TENM2: variants seen among roughly 807,000 people sequenced by gnomAD.
TENM2 encodes teneurin-2.
A neutral mutation model predicts 245.2 loss-of-function variants in TENM2; 52 were observed. The ratio of observed to expected loss-of-function variants is 0.21; its 90% CI spans 0.17 to 0.27. The LOEUF is 0.27. Among genes scored for constraint, TENM2 ranks in the 10% least tolerant of loss-of-function variants. The pLI, the probability that TENM2 is intolerant of heterozygous loss-of-function variation, is 1.00. For synonymous variants in TENM2, 1,363 were observed against 1,438.9 expected (o/e 0.95, Z 1.19); for missense variants, 3,046 against 3,666.8 (o/e 0.83, Z 4.37).
intron 12 of TENM2, among the ~76,000 whole-genome samples, chr5:168,132,520 C>G (rs1020825752): frequency 6.6e-5 from 10 of 152,182 alleles, no homozygotes; most frequent in Admixed American, 4.6e-4. Context: ...GCGCTGTTCC[C>G]TTACTGTTTC....
chr5:168,109,872 T>C (rs1794535726), intron 9 of TENM2, among the ~76,000 whole-genome samples: 1 of 152,144 alleles, frequency 6.6e-6, no homozygotes. Context: ...GAAGTTGCAG[T>C]GCACATTATT....
At chr5:167,060,068 T>G in the TENM2 span, among the ~76,000 whole-genome samples, 1 of 152,164 alleles carries the variant, frequency 6.6e-6, no homozygotes, top group African/African-American at 2.4e-5. Flanking sequence ...ATTAAAAACT[T>G]TTTAATTAAA....
At chr5:166,979,191 C>CAGCAGCAG in the TENM2 span, among the ~76,000 whole-genome samples, 5 of 85,256 alleles carry the variant, frequency 5.9e-5, no homozygotes, top group African/African-American at 2.8e-4. Context: ...AGCAGCACCA[C>CAGCAGCAG]CACCAGCAGC....
chr5:167,511,657 T>C lies in TENM2; in HGVS notation c.502+136184T>C, dbSNP rs549378754. On this transcript the variant is annotated intron_variant, in intron 2 of 28. Coordinates refer to ENST00000518659, the Ensembl canonical transcript of TENM2. The stretch of plus-strand genomic sequence containing the variant: ...CAAGAATTGTGATTACAAGCTCCAG[T>C]CAATGGTCATGACTGCCTGATATGC... Among the ~76,000 whole-genome samples the C allele has an allele frequency of 2.0e-5, 3 of 152,318 alleles. No individual in the cohort carries two copies. In the South Asian group the frequency reaches 6.2e-4, roughly 32 times the overall value.
At chr5:167,995,954 A>C (rs1005067249) in intron 5 of TENM2, among the ~76,000 whole-genome samples, 11 of 152,144 alleles carry the variant, frequency 7.2e-5, no homozygotes, top group African/African-American at 2.7e-4. Flanking sequence ...TTAAGGGCTG[A>C]GTCCATTCTG....
At chr5:167,145,039 G>A in the TENM2 span, among the ~76,000 whole-genome samples, 2 of 152,082 alleles carry the variant, frequency 1.3e-5, no homozygotes, top group African/African-American at 2.4e-5. Flanking sequence ...TCCAATCTCC[G>A]CTTTTGCCAC....
the TENM2 span, among the ~76,000 whole-genome samples, chr5:167,022,307 A>T: frequency 7.1e-3 from 1,087 of 152,344 alleles, 11 homozygotes; most frequent in African/African-American, 0.025. Flanking sequence ...TTAAAAGTAG[A>T]TGCAGTCCAA....
intron 2 of TENM2, among the ~76,000 whole-genome samples, chr5:167,538,676 C>T (rs112693619): frequency 2.6e-5 from 4 of 152,294 alleles, no homozygotes; most frequent in South Asian, 2.1e-4. Flanking sequence ...CAAAGCCAAT[C>T]GGAAAACAGT....
chr5:167,088,541 C>A, the TENM2 span, among the ~76,000 whole-genome samples: 1 of 151,796 alleles, frequency 6.6e-6, no homozygotes, highest in Non-Finnish European at 1.5e-5. Context: ...GCAGGAGACT[C>A]GCTTGAACCT....
intron 2 of TENM2, among the ~76,000 whole-genome samples, chr5:167,700,009 T>C (rs1758033374): frequency 6.6e-6 from 1 of 152,078 alleles, no homozygotes; most frequent in African/African-American, 2.4e-5. Context: ...TATATTGGGG[T>C]TCAGGGAAAA....
the TENM2 span, among the ~76,000 whole-genome samples, chr5:167,027,881 C>T: frequency 1.3e-5 from 2 of 151,884 alleles, no homozygotes; most frequent in East Asian, 3.9e-4. Flanking sequence ...GAGTTGAAGA[C>T]CAGCCTGGCC....
chr5:167,136,145 G>T, the TENM2 span, among the ~76,000 whole-genome samples: 2 of 152,152 alleles, frequency 1.3e-5, no homozygotes, highest in Non-Finnish European at 2.9e-5. Context: ...TGTAAATTTA[G>T]TTCTTTATGC....
chr5:167,020,364 C>T, the TENM2 span, among the ~76,000 whole-genome samples: 1 of 152,184 alleles, frequency 6.6e-6, no homozygotes, highest in Non-Finnish European at 1.5e-5. Flanking sequence ...TTTTCCTCCT[C>T]TCTAATTTTA....
At chr5:167,280,425 T>G (rs908876466), upstream of TENM2, among the ~76,000 whole-genome samples, 4 of 152,132 alleles carry the variant, frequency 2.6e-5, no homozygotes, top group Admixed American at 6.5e-5. Flanking sequence ...AGAGGAGAGC[T>G]TCACTATTTC....
At chr5:167,382,445 G>A (rs1426718444) in intron 2 of TENM2, among the ~76,000 whole-genome samples, 1 of 152,160 alleles carries the variant, frequency 6.6e-6, no homozygotes, top group Non-Finnish European at 1.5e-5. Flanking sequence ...ACAGAACAGC[G>A]AGTGTTCCAC....
the TENM2 span, among the ~76,000 whole-genome samples, chr5:167,181,266 A>G: frequency 6.6e-6 from 1 of 152,174 alleles, no homozygotes; most frequent in Non-Finnish European, 1.5e-5. Context: ...TAAGTTTGTT[A>G]TAGAAACAAA....
At chr5:167,312,595 C>T (rs1242141858) in intron 1 of TENM2, among the ~76,000 whole-genome samples, 2 of 150,904 alleles carry the variant, frequency 1.3e-5, no homozygotes, top group African/African-American at 2.4e-5. Context: ...ATATGAGAAA[C>T]GAACAAAAAA....
chr5:168,196,911 C>T (rs768843995), intron 15 of TENM2, among the ~76,000 whole-genome samples: 8 of 152,156 alleles, frequency 5.3e-5, no homozygotes, highest in Non-Finnish European at 1.2e-4. Context: ...GCCCCAAGTC[C>T]ACTTCCCAGA....
intron 2 of TENM2, among the ~76,000 whole-genome samples, chr5:167,453,328 A>G (rs1165402092): frequency 1.3e-5 from 2 of 152,066 alleles, no homozygotes; most frequent in Non-Finnish European, 2.9e-5. Flanking sequence ...ATCTAAGAAA[A>G]CACATCTTCC....
Sources: allele counts gnomAD v4.1 joint callset (sites outside exome capture counted in the v4.1 genomes callset), GRCh38; gene constraint gnomAD v4.1.1; transcripts MANE v1.5; gene names NCBI Gene and HGNC (gene_info 2026-07-23, HGNC 2026-07-21).